The following LIMK2 variants were observed in gnomAD, a reference collection of about 807,000 sequenced individuals.
LIMK2 encodes the protein LIM domain kinase 2.
Under a neutral mutation model 75.7 loss-of-function variants are expected in LIMK2, and 35 were observed. The observed-to-expected ratio is 0.46, with a 90% CI of 0.35 to 0.61. The LOEUF is 0.61. Among genes scored for constraint, LIMK2 ranks in the 20% least tolerant of loss-of-function variants. The pLI, the probability that LIMK2 is intolerant of heterozygous loss-of-function variation, is 0.00. For synonymous variants in LIMK2, 301 were observed against 319.2 expected, an observed-to-expected ratio of 0.94 and a Z score of 0.61; for missense variants, 623 against 831.0, an observed-to-expected ratio of 0.75 and a Z score of 3.08.
At chr22:31,272,270 T>C (rs2048966354) in intron 12 of LIMK2, among the ~76,000 whole-genome samples, 1 of 151,526 alleles carries the variant, frequency 6.6e-6, no homozygotes, top group Admixed American at 6.6e-5. Context: ...AGACGGGGTT[T>C]TGCCATGTTG....
chr22:31,276,539 C>G (rs951353146), intron 15 of LIMK2, among the ~76,000 whole-genome samples: 1 of 146,344 alleles, frequency 6.8e-6, no homozygotes, highest in Non-Finnish European at 1.5e-5. Context: ...AGGCCAGGCC[C>G]GGGGGCTCCG....
intron 1 of LIMK2, among the ~76,000 whole-genome samples, chr22:31,218,768 C>T (rs1470612054): frequency 1.3e-5 from 2 of 152,342 alleles, no homozygotes; most frequent in African/African-American, 4.8e-5. Flanking sequence ...ACCTGACCCG[C>T]CAGTTCCCAA....
At chr22:31,225,881 C>G in intron 2 of LIMK2, 62 bp downstream of exon 2, 2 of 1,205,116 alleles carry the variant, frequency 1.7e-6, no homozygotes, top group South Asian at 1.3e-5. Flanking sequence ...ATTTCATGTT[C>G]TGATGGAAAA....
intron 3 of LIMK2, 106 bp from the exon 4 acceptor site, chr22:31,259,015 G>A (rs2048811507): frequency 3.0e-6 from 2 of 663,002 alleles, no homozygotes; most frequent in East Asian, 5.4e-5. Flanking sequence ...GATTTTGACG[G>A]GGGCCTTGCT....
intron 2 of LIMK2, among the ~76,000 whole-genome samples, chr22:31,244,775 T>C (rs903868502): frequency 6.6e-6 from 1 of 152,224 alleles, no homozygotes; most frequent in Non-Finnish European, 1.5e-5. Flanking sequence ...CAACCTTTAA[T>C]GTGTCCCAGA....
chr22:31,258,899 T>C, intron 3 of LIMK2: 1 of 500,710 alleles, frequency 2.0e-6, no homozygotes, highest in East Asian at 3.5e-5. Context: ...TCTGGGGATT[T>C]CTTCTCATAA....
intron 2 of LIMK2, among the ~76,000 whole-genome samples, chr22:31,253,360 G>A (rs1341878279): frequency 6.6e-6 from 1 of 152,256 alleles, no homozygotes; most frequent in Non-Finnish European, 1.5e-5. Flanking sequence ...TGGCCTCTAA[G>A]CATCTGAGGT....
chr22:31,248,449 T>G, intron 2 of LIMK2: 3 of 1,473,554 alleles, frequency 2.0e-6, no homozygotes, highest in Non-Finnish European at 2.7e-6. Flanking sequence ...GGTCGTTTTC[T>G]CGGAGTCCAG....
intron 2 of LIMK2, among the ~76,000 whole-genome samples, chr22:31,229,112 A>G (rs1205326390): frequency 6.6e-6 from 1 of 152,156 alleles, no homozygotes; most frequent in Non-Finnish European, 1.5e-5. Flanking sequence ...ACTTTGAACT[A>G]CCCTGACACA....
Position 31,234,351 on chromosome 22 carries a change from C to T in LIMK2, c.116+8532C>T, listed in dbSNP as rs940932640. Among the ~76,000 whole-genome samples the T allele has an allele frequency of 2.0e-5, 3 of 146,804 alleles. No individual in the cohort carries two copies. The Admixed American group carries it at 2.0e-4, about 10-fold the overall frequency. On this transcript the variant is annotated intron_variant, in intron 2 of 15. Coordinates refer to ENST00000331728, the MANE Select transcript of LIMK2 (RefSeq NM_005569.4). Reference sequence around the variant, plus strand: ...TAAAAAAAAAAAAAACAAAAAAAAACTTGACTGTGTCACTCTGTGTTGTCT... The same window carrying T: ...TAAAAAAAAAAAAAACAAAAAAAAATTTGACTGTGTCACTCTGTGTTGTCT...
chr22:31,221,663 G>A (rs922143499), intron 1 of LIMK2, among the ~76,000 whole-genome samples: 1 of 151,522 alleles, frequency 6.6e-6, no homozygotes, highest in Admixed American at 6.6e-5. Context: ...TTTTGTATTT[G>A]TAGTAGAGAC....
At chr22:31,276,337 C>A (rs1043376214) in intron 15 of LIMK2, among the ~76,000 whole-genome samples, 1 of 152,164 alleles carries the variant, frequency 6.6e-6, no homozygotes, top group Non-Finnish European at 1.5e-5. Context: ...CTTCTGTAAT[C>A]TCCCTTAACC....
chr22:31,260,340 A>G (rs764112780), intron 5 of LIMK2, among the ~76,000 whole-genome samples: 31 of 152,212 alleles, frequency 2.0e-4, no homozygotes, highest in Non-Finnish European at 4.0e-4. Flanking sequence ...GCTCTTTGAA[A>G]TCATCTGGCT....
chr22:31,268,207 C>T lies in LIMK2; in HGVS notation c.1317+7C>T. 6.2e-7 allele frequency: 1 copy of T among 1,611,884 alleles called. No individual in the cohort carries two copies. Among genetic ancestry groups the T allele is most frequent in the Non-Finnish European group, 8.5e-7 (1 of 1,178,028 alleles). On this transcript the variant is annotated splice_region_variant and intron_variant, in intron 11 of 15. Transcript: ENST00000331728. ...AGGAATCGCCTCCGGAATGGTGAGT[C>T]CCACCAACAAACCTGCCAGCAGGGC... is the stretch of plus-strand genomic sequence containing the variant.
chr22:31,247,939 C>G (rs142593894), intron 2 of LIMK2, among the ~76,000 whole-genome samples: 16 of 151,988 alleles, frequency 1.1e-4, no homozygotes, highest in African/African-American at 3.9e-4. Context: ...AGCCCTAGTG[C>G]CAGGACAGAA....
intron 8 of LIMK2, among the ~76,000 whole-genome samples, chr22:31,266,706 G>A (rs144660446): frequency 1.3e-5 from 2 of 152,304 alleles, no homozygotes; most frequent in African/African-American, 2.4e-5. Context: ...CAGAGCCCCT[G>A]CTTGGCTTGG....
rs1029641810 is a variant in LIMK2, at chr22:31,212,510, G to T, written c.16+86G>T. ...CTGAGGGAAACCGGCTGTCTCTCGGGGGTTTCGGGCTGGTTGGGTCCTCGT... is the reference window on the plus strand; with the variant it reads ...CTGAGGGAAACCGGCTGTCTCTCGGTGGTTTCGGGCTGGTTGGGTCCTCGT... On this transcript the variant is annotated intron_variant, in intron 1 of 15. Transcript: ENST00000331728. The T allele has an allele frequency of 3.0e-5, 38 of 1,281,884 alleles. No individual in the cohort carries two copies. The East Asian group carries it at 1.0e-3, about 34-fold the overall frequency. The allele number at this position is 1,281,884 out of a possible 1,614,324, so 79.4% of individuals were successfully genotyped here.
intron 2 of LIMK2, among the ~76,000 whole-genome samples, chr22:31,250,763 A>G (rs2048717327): frequency 6.6e-6 from 1 of 152,108 alleles, no homozygotes; most frequent in East Asian, 1.9e-4. Flanking sequence ...ATTATAGGAT[A>G]TCCTCAAGGG....
chr22:31,246,329 A>G (rs1415141643), intron 2 of LIMK2, among the ~76,000 whole-genome samples: 1 of 151,214 alleles, frequency 6.6e-6, no homozygotes, highest in African/African-American at 2.4e-5. Context: ...ATACCACTGC[A>G]CTTTAGCCAG....
Sources: gnomAD v4.1 joint callset for allele counts (sites outside exome capture counted in the v4.1 genomes callset) on GRCh38, gnomAD v4.1.1 for gene constraint, MANE v1.5 for transcripts, NCBI Gene and HGNC (gene_info 2026-07-23, HGNC 2026-07-21) for gene names.